The following RETREG1 variants were observed in gnomAD, a reference collection of about 807,000 sequenced individuals.
RETREG1 encodes reticulophagy regulator 1.
RETREG1 carries 44 observed loss-of-function variants against 54.8 expected under a neutral mutation model. The observed-to-expected ratio is 0.80, with a 90% CI of 0.63 to 1.03. The LOEUF (loss-of-function observed/expected upper bound fraction) is 1.03, where lower values mean the gene tolerates loss of function less well. Ranked by LOEUF, RETREG1 falls within the 50% of genes least tolerant of loss-of-function variation. The probability of loss-of-function intolerance (pLI) is 0.00; values close to 1 mark genes in which losing one functional copy is unlikely to be tolerated. For missense variants in RETREG1, 554 were observed against 605.1 expected, an observed-to-expected ratio of 0.92 and a Z score of 0.89; for synonymous variants, 217 against 238.5, an observed-to-expected ratio of 0.91 and a Z score of 0.83.
intron 3 of RETREG1, among the ~76,000 whole-genome samples, chr5:16,511,891 C>T (rs1181714542): frequency 1.3e-5 from 2 of 152,090 alleles, no homozygotes; most frequent in African/African-American, 4.8e-5. Flanking sequence ...GAACTCCACC[C>T]CCATGATCCC....
intron 3 of RETREG1, among the ~76,000 whole-genome samples, chr5:16,545,753 C>A (rs1186955692): frequency 1.3e-5 from 2 of 152,190 alleles, no homozygotes; most frequent in African/African-American, 4.8e-5. Flanking sequence ...ATAAGATGCC[C>A]CAAGTCCAAA....
At chr5:16,602,894 G>C (rs1338730963) in intron 1 of RETREG1, among the ~76,000 whole-genome samples, 1 of 152,164 alleles carries the variant, frequency 6.6e-6, no homozygotes, top group African/African-American at 2.4e-5. Flanking sequence ...TGTAATCCCA[G>C]CTACTCGGGA....
chr5:16,497,689 C>T (rs1031911606), intron 3 of RETREG1, among the ~76,000 whole-genome samples: 1 of 152,234 alleles, frequency 6.6e-6, no homozygotes, highest in Non-Finnish European at 1.5e-5. Flanking sequence ...GTCCTCATCT[C>T]GGGATAGGCA....
At chr5:16,571,560 AT>A (rs1045911718) in intron 2 of RETREG1, among the ~76,000 whole-genome samples, 6 of 151,320 alleles carry the variant, frequency 4.0e-5, no homozygotes, top group African/African-American at 1.5e-4. Context: ...AAATTTATTC[AT>A]TTTTTATTAT....
chr5:16,571,725 T>A (rs1742176368), intron 2 of RETREG1, among the ~76,000 whole-genome samples: 1 of 152,146 alleles, frequency 6.6e-6, no homozygotes, highest in South Asian at 2.1e-4. Context: ...ATTTAACTGT[T>A]ATCCTCACTG....
chr5:16,473,728 T>G lies in RETREG1; in HGVS notation c.*1013A>C, dbSNP rs1738403724. ...TCTATCTTCCCAATAAGAAACAGAT[T>G]CCATATTTATACTTAAATGGCAAAT... On this transcript the variant is annotated 3_prime_UTR_variant, in exon 9 of 9. Coordinates refer to ENST00000306320, the MANE Select transcript of RETREG1 (RefSeq NM_001034850.3). The G allele has an allele frequency of 6.6e-6, 1 of 152,280 alleles. No homozygotes were observed. The highest frequency in any genetic ancestry group is 2.4e-5 in the African/African-American group (1 of 41,438). 9.4% of individuals were successfully genotyped at this position (152,280 alleles called of 1,614,324 possible).
chr5:16,514,369 G>A lies in RETREG1; in HGVS notation c.459-30897C>T, dbSNP rs188939218. ...AAATTTGGCCCAAAGAAGGCCTGCT[G>A]GTTCTCAGCACCACCTCACGCCACC... On this transcript the variant is annotated intron_variant, in intron 3 of 8. Transcript: ENST00000306320. Among the ~76,000 whole-genome samples the A allele has an allele frequency of 7.9e-5, 12 of 152,260 alleles. No individual in the cohort carries two copies. The East Asian group carries it at 2.3e-3, about 30-fold the overall frequency.
At chr5:16,511,391 T>C (rs1740170047) in intron 3 of RETREG1, among the ~76,000 whole-genome samples, 1 of 152,172 alleles carries the variant, frequency 6.6e-6, no homozygotes. Context: ...GTTCTGAGCA[T>C]GTTTAAGGTA....
At chr5:16,582,784 A>T (rs973611691) in intron 1 of RETREG1, among the ~76,000 whole-genome samples, 9 of 152,304 alleles carry the variant, frequency 5.9e-5, no homozygotes, top group African/African-American at 1.9e-4. Context: ...ATTAGTCTGC[A>T]CTGGCCGCTC....
At chr5:16,527,385 C>T (rs573763871) in intron 3 of RETREG1, among the ~76,000 whole-genome samples, 31 of 152,318 alleles carry the variant, frequency 2.0e-4, no homozygotes, top group Middle Eastern at 3.4e-3. Context: ...TTTTCCTTCA[C>T]TTTACCTAAA....
At chr5:16,532,378 T>G (rs1740941871) in intron 3 of RETREG1, among the ~76,000 whole-genome samples, 1 of 152,046 alleles carries the variant, frequency 6.6e-6, no homozygotes, top group Admixed American at 6.5e-5. Flanking sequence ...TGCAAACATT[T>G]GCTGGGCATG....
intron 3 of RETREG1, among the ~76,000 whole-genome samples, chr5:16,523,130 A>G (rs1196678554): frequency 1.3e-5 from 2 of 152,296 alleles, no homozygotes; most frequent in East Asian, 1.9e-4. Context: ...TCTCTCACCC[A>G]GTTTTCCCCC....
intron 3 of RETREG1, among the ~76,000 whole-genome samples, chr5:16,531,249 G>A (rs1740907329): frequency 1.3e-5 from 2 of 152,172 alleles, no homozygotes; most frequent in Non-Finnish European, 2.9e-5. Context: ...TAGAAACCTT[G>A]CCCAAGGTTA....
intron 3 of RETREG1, among the ~76,000 whole-genome samples, chr5:16,488,008 G>A (rs1168513000): frequency 1.3e-5 from 2 of 152,218 alleles, no homozygotes; most frequent in Admixed American, 6.5e-5. Context: ...GCAGCTGTGT[G>A]GGCCTTACTG....
chr5:16,491,157 TC>T (rs1739226205), intron 3 of RETREG1, among the ~76,000 whole-genome samples: 1 of 152,102 alleles, frequency 6.6e-6, no homozygotes, highest in Admixed American at 6.5e-5. Flanking sequence ...CTCCACATGA[TC>T]CCCCTAGGAC....
chr5:16,479,326 A>G lies in RETREG1; in HGVS notation c.671-339T>C, dbSNP rs558445575. On this transcript the variant is annotated intron_variant, in intron 5 of 8. Transcript: ENST00000306320. ...AGTCATTGTTTCCAGGTGCAGTTAG[A>G]TCAACTCCCTCCTTTCAATCCTTTT... 2.8e-4 allele frequency among the ~76,000 whole-genome samples: 42 copies of G among 152,242 alleles called. 1 individual carries two copies. In the South Asian group the frequency reaches 8.5e-3, roughly 31 times the overall value.
At chr5:16,488,678 C>T (rs747753560) in intron 3 of RETREG1, among the ~76,000 whole-genome samples, 2 of 152,026 alleles carry the variant, frequency 1.3e-5, no homozygotes, top group African/African-American at 2.4e-5. Flanking sequence ...CCAACTAGAC[C>T]GAAAAACTTC....
At chr5:16,511,381 G>A (rs917170706) in intron 3 of RETREG1, among the ~76,000 whole-genome samples, 1 of 152,160 alleles carries the variant, frequency 6.6e-6, no homozygotes, top group Non-Finnish European at 1.5e-5. Context: ...TGATGTAAGT[G>A]TTCTGAGCAT....
intron 3 of RETREG1, among the ~76,000 whole-genome samples, chr5:16,538,609 G>C (rs1267277397): frequency 6.6e-6 from 1 of 152,098 alleles, no homozygotes; most frequent in African/African-American, 2.4e-5. Context: ...CTGCCTCTCA[G>C]TGCAACCACA....
Sources: allele counts gnomAD v4.1 joint callset (sites outside exome capture counted in the v4.1 genomes callset), GRCh38; gene constraint gnomAD v4.1.1; transcripts MANE v1.5; gene names NCBI Gene and HGNC (gene_info 2026-07-23, HGNC 2026-07-21).